BTBD9: variants seen among roughly 807,000 people sequenced by gnomAD.
The protein encoded by BTBD9 is BTB domain containing 9.
In BTBD9, 49 loss-of-function variants were observed where a neutral mutation model predicts 64.3. That is an observed-to-expected ratio of 0.76 (90% CI 0.61 to 0.97). The LOEUF (loss-of-function observed/expected upper bound fraction) is 0.97. Among genes scored for constraint, BTBD9 ranks in the 50% least tolerant of loss-of-function variants. The pLI, the probability that BTBD9 is intolerant of heterozygous loss-of-function variation, is 0.00. For synonymous variants in BTBD9, 260 were observed against 274.7 expected, an observed-to-expected ratio of 0.95 and a Z score of 0.53; for missense variants, 598 against 762.1, an observed-to-expected ratio of 0.78 and a Z score of 2.53.
intron 1 of BTBD9, among the ~76,000 whole-genome samples, chr6:38,609,127 T>C (rs1777527870): frequency 6.6e-6 from 1 of 152,126 alleles, no homozygotes; most frequent in Admixed American, 6.6e-5. Flanking sequence ...AGCCAACAAC[T>C]TCATTTTAGG....
At chr6:38,302,127 G>T (rs1762426921) in intron 7 of BTBD9, among the ~76,000 whole-genome samples, 1 of 152,100 alleles carries the variant, frequency 6.6e-6, no homozygotes, top group African/African-American at 2.4e-5. Context: ...TCTTTGTAGT[G>T]AAACATTCAC....
At chr6:38,287,110 ACAC>A (rs1761765429) in intron 8 of BTBD9, among the ~76,000 whole-genome samples, 5 of 33,438 alleles carry the variant, frequency 1.5e-4, no homozygotes, top group African/African-American at 3.7e-4. Context: ...AAAAAAATAT[ACAC>A]ACACACACAC....
At chr6:38,507,417 G>T (rs905865863) in intron 6 of BTBD9, among the ~76,000 whole-genome samples, 1 of 152,088 alleles carries the variant, frequency 6.6e-6, no homozygotes, top group Non-Finnish European at 1.5e-5. Flanking sequence ...CCACCTATCT[G>T]CCTATTCTGT....
At chr6:38,274,230 G>A (rs1235056995) in intron 8 of BTBD9, among the ~76,000 whole-genome samples, 1 of 152,194 alleles carries the variant, frequency 6.6e-6, no homozygotes, top group Admixed American at 6.5e-5. Context: ...CATTGATTTT[G>A]TATCCTAAGA....
chr6:38,633,730 C>G (rs973810754), intron 1 of BTBD9, among the ~76,000 whole-genome samples: 2 of 152,102 alleles, frequency 1.3e-5, no homozygotes, highest in Non-Finnish European at 2.9e-5. Context: ...CAGTACTTAT[C>G]GTATTCTTTT....
chr6:38,638,617 G>A (rs1001019819), intron 1 of BTBD9, among the ~76,000 whole-genome samples: 1 of 152,192 alleles, frequency 6.6e-6, no homozygotes, highest in Admixed American at 6.5e-5. Flanking sequence ...GTGTTACAAA[G>A]CAAGGTTATT....
intron 7 of BTBD9, among the ~76,000 whole-genome samples, chr6:38,334,890 T>C (rs530324286): frequency 1.3e-5 from 2 of 152,232 alleles, no homozygotes; most frequent in East Asian, 3.9e-4. Context: ...ATAAGATACA[T>C]ATTGATATGG....
chr6:38,541,741 G>A (rs1033486833), intron 6 of BTBD9, among the ~76,000 whole-genome samples: 2 of 151,864 alleles, frequency 1.3e-5, no homozygotes, highest in African/African-American at 2.4e-5. Context: ...CATCTCAAAC[G>A]ACAACAACAA....
At chr6:38,221,432 A>G (rs1582071456) in intron 9 of BTBD9, among the ~76,000 whole-genome samples, 1 of 152,284 alleles carries the variant, frequency 6.6e-6, no homozygotes, top group African/African-American at 2.4e-5. Context: ...TCTGCCCTTC[A>G]GTCTGAGACA....
intron 7 of BTBD9, among the ~76,000 whole-genome samples, chr6:38,303,932 CGTGTGT>C (rs368230606): frequency 3.4e-5 from 4 of 119,082 alleles, no homozygotes; most frequent in Admixed American, 8.5e-5. Flanking sequence ...TATATATACA[CGTGTGT>C]GTGTGTGTGT....
rs530799276 is a variant in BTBD9, at chr6:38,270,107, G to A, written c.1455-13591C>T. 1.9e-4 allele frequency among the ~76,000 whole-genome samples: 29 copies of A among 152,316 alleles called. No homozygotes were observed. In the South Asian group the frequency reaches 5.8e-3, roughly 31 times the overall value. ...TGCGACATTGACTCAAGCACAGCAT[G>A]AGGCTTCATTAGAATATTGCACTCT... On this transcript the variant is annotated intron_variant, in intron 8 of 10. Transcript: ENST00000481247.
In BTBD9 at chr6:38,453,381, T is replaced by G. The variant is rs566411680; in HGVS notation, c.1155-108288A>C. ...TGGCTTTCTGGGAAACCTCCACATT[T>G]GCATGAATTCAAATGAAACTCCGTT... On this transcript the variant is annotated intron_variant, in intron 6 of 10. Transcript: ENST00000481247. Among the ~76,000 whole-genome samples the G allele has an allele frequency of 9.2e-5, 14 of 152,342 alleles. No homozygotes were observed. In the East Asian group the frequency reaches 1.7e-3, roughly 19 times the overall value.
intron 9 of BTBD9, among the ~76,000 whole-genome samples, chr6:38,255,607 C>T (rs1487737806): frequency 6.6e-6 from 1 of 152,188 alleles, no homozygotes. Flanking sequence ...CAAGTCTAAA[C>T]AGCCCCAGTG....
intron 6 of BTBD9, among the ~76,000 whole-genome samples, chr6:38,554,727 C>T (rs1774943739): frequency 6.6e-6 from 1 of 152,086 alleles, no homozygotes; most frequent in Non-Finnish European, 1.5e-5. Context: ...GGGTATTCCC[C>T]AGACTCTAAG....
chr6:38,534,475 C>CCAAAA (rs371256719), intron 6 of BTBD9, among the ~76,000 whole-genome samples: 4 of 94,944 alleles, frequency 4.2e-5, no homozygotes, highest in Admixed American at 2.2e-4. Flanking sequence ...TCAAACTGTT[C>CCAAAA]AAAAAAAAAA....
chr6:38,468,644 T>C (rs1770502811), intron 6 of BTBD9, among the ~76,000 whole-genome samples: 2 of 152,202 alleles, frequency 1.3e-5, no homozygotes, highest in Admixed American at 6.5e-5. Flanking sequence ...TCATGTTTTA[T>C]TCTCCTCTGT....
At chr6:38,522,659 G>T (rs1773322590) in intron 6 of BTBD9, among the ~76,000 whole-genome samples, 1 of 152,148 alleles carries the variant, frequency 6.6e-6, no homozygotes, top group Non-Finnish European at 1.5e-5. Context: ...CTAAGGAGGT[G>T]ACCATATATC....
rs61016424 is a variant in BTBD9, at chr6:38,425,927, T to TACACACACACACACACACAC, written c.1155-80854_1155-80835dup. On this transcript the variant is annotated intron_variant, in intron 6 of 10. Coordinates refer to ENST00000481247, the MANE Select transcript of BTBD9 (RefSeq NM_001099272.2). The stretch of plus-strand genomic sequence containing the variant: ...GTGAGACCCTATCTCAAGAAACACA[T>TACACACACACACACACACAC]ACACACACACACACACACACACACA... Among the ~76,000 whole-genome samples, 4 of 136,988 alleles carry TACACACACACACACACACAC rather than the reference T, an allele frequency of 2.9e-5. No individual in the cohort carries two copies. The East Asian group carries it at 6.3e-4, about 22-fold the overall frequency. 89.9% of individuals were successfully genotyped at this position (136,988 alleles called of 152,430 possible).
chr6:38,241,078 C>A (rs1412256242), intron 9 of BTBD9, among the ~76,000 whole-genome samples: 1 of 152,152 alleles, frequency 6.6e-6, no homozygotes, highest in East Asian at 1.9e-4. Flanking sequence ...CCACCCTCAG[C>A]ATACCCTAAA....
Sources: gnomAD v4.1 joint callset for allele counts (sites outside exome capture counted in the v4.1 genomes callset) on GRCh38, gnomAD v4.1.1 for gene constraint, MANE v1.5 for transcripts, NCBI Gene and HGNC (gene_info 2026-07-23, HGNC 2026-07-21) for gene names.